Variants in NT5E observed in about 807,000 individuals in gnomAD.
The protein encoded by NT5E is 5'-nucleotidase ecto.
NT5E carries 53 observed loss-of-function variants against 55.1 expected under a neutral mutation model. The observed-to-expected ratio is 0.96, with a 90% CI of 0.77 to 1.21. The LOEUF is 1.21. NT5E is among the 50% of genes most tolerant of loss of function. NT5E has a pLI of 0.00. For synonymous variants in NT5E, 270 were observed against 278.4 expected (o/e 0.97, Z 0.30); for missense variants, 683 against 724.3 (o/e 0.94, Z 0.65).
Position 85,487,459 on chromosome 6 carries a change from CA to C in NT5E, c.1076del (p.Asn359ThrfsTer5). Reference protein sequence around the residue: ...SSQSCRFRECNMGNLICDAMI... With the variant: ...SSQSCRFRECXMGNLICDAMI... ...CTCAATCATGCCGCTTTAGAGAATG[CA>C]ACATGGGCAACCTGATTTGTGATGC... is the stretch of plus-strand genomic sequence containing the variant. On this transcript the variant is annotated frameshift_variant, in exon 5 of 9. Coordinates refer to ENST00000257770, the MANE Select transcript of NT5E (RefSeq NM_002526.4). LOFTEE classifies it high-confidence loss of function. 1 of 1,614,110 alleles carries C rather than the reference CA, an allele frequency of 6.2e-7. No homozygotes were observed. Among genetic ancestry groups the C allele is most frequent in the Non-Finnish European group, 8.5e-7 (1 of 1,180,000 alleles).
rs138952145 is a variant in NT5E at position 85,458,903 on chromosome 6, G to A, written c.340-8157G>A. On this transcript the variant is annotated intron_variant, in intron 1 of 8. Coordinates refer to ENST00000257770, the MANE Select transcript of NT5E (RefSeq NM_002526.4). The stretch of plus-strand genomic sequence containing the variant: ...AACCAAACCCAGTTGCAGCTGGGTT[G>A]AACCCCAGGGTGTTTCCTGCTATTC... Among the ~76,000 whole-genome samples the A allele has an allele frequency of 6.7e-3, 1,023 of 152,278 alleles. 9 individuals carry two copies. The highest frequency in any genetic ancestry group is 0.024 in the African/African-American group (986 of 41,538).
At chr6:85,487,295 T>G in intron 4 of NT5E, 40 bp from the exon 5 acceptor site, 313 of 1,551,256 alleles carry the variant, frequency 2.0e-4, no homozygotes, top group Non-Finnish European at 2.5e-4. Flanking sequence ...TAGCCCAGTG[T>G]GAGATTTAAT....
chr6:85,482,175 T>TA (rs1769562789), intron 3 of NT5E, among the ~76,000 whole-genome samples: 1 of 152,196 alleles, frequency 6.6e-6, no homozygotes, highest in South Asian at 2.1e-4. Context: ...TGGACTGCCT[T>TA]ACAACATTCT....
chr6:85,454,458 C>T (rs916367981), intron 1 of NT5E, among the ~76,000 whole-genome samples: 5 of 152,136 alleles, frequency 3.3e-5, no homozygotes, highest in Non-Finnish European at 5.9e-5. Context: ...TGTTTGTTAA[C>T]TTTTTAAGCT....
intron 3 of NT5E, among the ~76,000 whole-genome samples, chr6:85,481,579 A>G (rs1425479778): frequency 6.6e-6 from 1 of 152,216 alleles, no homozygotes; most frequent in Non-Finnish European, 1.5e-5. Context: ...TGAATAAACA[A>G]GAAGTAAAAA....
At chr6:85,489,258 C>T (rs1010359168) in intron 5 of NT5E, among the ~76,000 whole-genome samples, 1 of 152,148 alleles carries the variant, frequency 6.6e-6, no homozygotes, top group South Asian at 2.1e-4. Flanking sequence ...GGCCACCTGG[C>T]CTGACAGTAT....
intron 2 of NT5E, among the ~76,000 whole-genome samples, chr6:85,468,352 A>G (rs1187238167): frequency 6.6e-6 from 1 of 152,124 alleles, no homozygotes; most frequent in African/African-American, 2.4e-5. Context: ...AGAACTTGCT[A>G]AAGAACCCCC....
chr6:85,450,134 A>G lies in NT5E; in HGVS notation c.-6A>G. The G allele has an allele frequency of 6.4e-7, 1 of 1,564,172 alleles. No individual in the cohort carries two copies. The highest frequency in any genetic ancestry group is 8.6e-7 in the Non-Finnish European group (1 of 1,159,006). ...CGCTTTCGCACCCAGTTCACGCGCC[A>G]CAGCTATGTGTCCCCGAGCCGCGCG... is the stretch of plus-strand genomic sequence containing the variant. On this transcript the variant is annotated 5_prime_UTR_variant, in exon 1 of 9. Coordinates refer to ENST00000257770, the MANE Select transcript of NT5E (RefSeq NM_002526.4). The surrounding 1 kb of genome is among the most constrained non-coding windows in gnomAD (Gnocchi z 4.0).
At chr6:85,455,509 C>T (rs1030625376) in intron 1 of NT5E, among the ~76,000 whole-genome samples, 1 of 152,184 alleles carries the variant, frequency 6.6e-6, no homozygotes, top group Non-Finnish European at 1.5e-5. Flanking sequence ...ATGAAAGCTC[C>T]GCATTGCCCC....
chr6:85,479,879 C>G (rs1769510357), intron 3 of NT5E, among the ~76,000 whole-genome samples: 1 of 152,102 alleles, frequency 6.6e-6, no homozygotes, highest in Non-Finnish European at 1.5e-5. Context: ...GAAGCCTGTT[C>G]TATAATGTAA....
At chr6:85,474,029 C>A (rs909856555) in intron 3 of NT5E, among the ~76,000 whole-genome samples, 3 of 152,184 alleles carry the variant, frequency 2.0e-5, no homozygotes, top group African/African-American at 7.2e-5. Flanking sequence ...ATTTCTGTAG[C>A]CTGTCCTTTG....
chr6:85,476,328 A>G (rs1390768667), intron 3 of NT5E, among the ~76,000 whole-genome samples: 1 of 152,188 alleles, frequency 6.6e-6, no homozygotes, highest in Non-Finnish European at 1.5e-5. Flanking sequence ...CGTGGGACTC[A>G]TGAAGGGGTT....
In NT5E at chr6:85,485,347, C is replaced by T; in HGVS notation, c.864C>T (p.Gly288=). The T allele has an allele frequency of 6.2e-7, 1 of 1,614,148 alleles. No homozygotes were observed. The highest frequency in any genetic ancestry group is 8.5e-7 in the Non-Finnish European group (1 of 1,179,988). ...VQAYAFGKYL[G]YLKIEFDERG... ...CCTATGCTTTTGGCAAATACCTAGG[C>T]TATCTGAAGATCGAGTTTGATGAAA... The change falls in exon 4 of 9, where the codon GGC becomes GGT. Residue 288 remains glycine, a synonymous_variant. Coordinates refer to ENST00000257770, the MANE Select transcript of NT5E (RefSeq NM_002526.4).
chr6:85,473,573 G>A (rs1419219734), intron 3 of NT5E, among the ~76,000 whole-genome samples: 3 of 152,124 alleles, frequency 2.0e-5, no homozygotes, highest in Admixed American at 6.5e-5. Context: ...ATTTTAGACA[G>A]GGAGCCAAAA....
In NT5E at chr6:85,485,321, G is replaced by T. The variant is rs1458367835; in HGVS notation, c.838G>T (p.Ala280Ser). 1.2e-6 allele frequency: 2 copies of T among 1,614,142 alleles called. No homozygotes were observed. Among genetic ancestry groups the T allele is most frequent in the Non-Finnish European group, 1.7e-6 (2 of 1,180,014 alleles). ...DDGRKVPVVQ[A>S]YAFGKYLGYL... ...TGGGCGGAAGGTTCCTGTAGTCCAGGCCTATGCTTTTGGCAAATACCTAGG... is the reference window on the plus strand; with the variant it reads ...TGGGCGGAAGGTTCCTGTAGTCCAGTCCTATGCTTTTGGCAAATACCTAGG... Residue 280 changes from alanine (A) to serine (S), a missense_variant, in exon 4 of 9, where the codon GCC becomes TCC. Coordinates refer to ENST00000257770, the MANE Select transcript of NT5E (RefSeq NM_002526.4).
At chr6:85,479,629 G>A (rs1769501185) in intron 3 of NT5E, among the ~76,000 whole-genome samples, 1 of 152,278 alleles carries the variant, frequency 6.6e-6, no homozygotes, top group Non-Finnish European at 1.5e-5. Flanking sequence ...TATATATCAG[G>A]AGTATATCAA....
chr6:85,487,259 T>A (rs1769686637), intron 4 of NT5E, 76 bp from the exon 5 acceptor site: 3 of 1,276,128 alleles, frequency 2.4e-6, no homozygotes, highest in Non-Finnish European at 2.3e-6. Flanking sequence ...GTAAGATAGA[T>A]GATGTTTCAT....
Position 85,466,594 on chromosome 6 carries a change from G to A in NT5E, c.340-466G>A, listed in dbSNP as rs560887704. ...CTAGGTGAATGATGACCTAGGAGGT[G>A]AAATGAGGAAGGAGGCCTTTGGTCT... On this transcript the variant is annotated intron_variant, in intron 1 of 8. Transcript: ENST00000257770. 1.5e-3 allele frequency among the ~76,000 whole-genome samples: 231 copies of A among 152,306 alleles called. 2 individuals are homozygous for A. The highest frequency in any genetic ancestry group is 2.7e-3 in the Non-Finnish European group (183 of 68,024).
chr6:85,478,084 A>T (rs1769472383), intron 3 of NT5E, among the ~76,000 whole-genome samples: 1 of 152,164 alleles, frequency 6.6e-6, no homozygotes, highest in Admixed American at 6.6e-5. Flanking sequence ...GGTAAGCACA[A>T]GAACTTATTT....
Sources: gnomAD v4.1 joint callset for allele counts (sites outside exome capture counted in the v4.1 genomes callset) on GRCh38, gnomAD v4.1.1 for gene constraint, Gnocchi (gnomAD v3.1) non-coding constraint, MANE v1.5 for transcripts, NCBI Gene and HGNC (gene_info 2026-07-23, HGNC 2026-07-21) for gene names.